Variants in PTPRF observed in about 807,000 individuals in gnomAD.
PTPRF encodes receptor-type tyrosine-protein phosphatase F.
Under a neutral mutation model 201.8 loss-of-function variants are expected in PTPRF, and 59 were observed. The observed-to-expected ratio is 0.29, with a 90% CI of 0.24 to 0.36. The LOEUF (loss-of-function observed/expected upper bound fraction) is 0.36, where lower values mean the gene tolerates loss of function less well. Among genes scored for constraint, PTPRF ranks in the 10% least tolerant of loss-of-function variants. PTPRF has a pLI of 1.00. For synonymous variants in PTPRF, 1,088 were observed against 1,089.7 expected (o/e 1.00, Z 0.03); for missense variants, 2,132 against 2,690.5 (o/e 0.79, Z 4.59).
intron 5 of PTPRF, among the ~76,000 whole-genome samples, chr1:43,558,625 G>C (rs935769150): frequency 6.6e-6 from 1 of 152,198 alleles, no homozygotes; most frequent in African/African-American, 2.4e-5. Context: ...CTCCCTCGCC[G>C]GGTAATGGCA....
rs761957697 is a variant in PTPRF at position 43,621,291 on chromosome 1, G to A, written c.5655+59G>A. On this transcript the variant is annotated intron_variant, in intron 33 of 33. Coordinates refer to ENST00000359947, the MANE Select transcript of PTPRF (RefSeq NM_002840.5). ...GGCAGCAGCGCTGCTGGGAACCCTA[G>A]GCTTTAGCAACAGTTTGATGCCCAC... is the stretch of plus-strand genomic sequence containing the variant. 62 of 1,588,608 alleles carry A rather than the reference G, an allele frequency of 3.9e-5. 1 individual carries two copies. Among genetic ancestry groups the A allele is most frequent in the Non-Finnish European group, 4.2e-5 (49 of 1,164,846 alleles).
In PTPRF at chr1:43,620,230, A is replaced by G. The variant is rs1205235677; in HGVS notation, c.5238+9A>G. On this transcript the variant is annotated intron_variant, in intron 30 of 33. Coordinates refer to ENST00000359947, the MANE Select transcript of PTPRF (RefSeq NM_002840.5). ...TTCGGGAGATGGGCAGGGTGAGCCC[A>G]CCCTTTCCCCCAGGGCCCCTGTCAT... 3.1e-6 allele frequency: 5 copies of G among 1,613,332 alleles called. No homozygotes were observed. Among genetic ancestry groups the G allele is most frequent in the Non-Finnish European group, 4.2e-6 (5 of 1,179,624 alleles).
intron 8 of PTPRF, among the ~76,000 whole-genome samples, chr1:43,589,869 A>G (rs1025463562): frequency 7.0e-6 from 1 of 142,078 alleles, no homozygotes; most frequent in Non-Finnish European, 1.5e-5. Flanking sequence ...GACCCTATGA[A>G]AAAAAAAAAA....
intron 7 of PTPRF, among the ~76,000 whole-genome samples, chr1:43,585,988 G>C (rs572564620): frequency 8.8e-4 from 134 of 152,186 alleles, no homozygotes; most frequent in Non-Finnish European, 1.7e-3. Flanking sequence ...TGCTAATTCT[G>C]ATGCTTCTCC....
chr1:43,562,575 T>C lies in PTPRF; in HGVS notation c.380-7015T>C, dbSNP rs540019881. On this transcript the variant is annotated intron_variant, in intron 5 of 33. Coordinates refer to ENST00000359947, the MANE Select transcript of PTPRF (RefSeq NM_002840.5). Reference sequence around the variant, plus strand: ...GCATGGACCACCACGCCCGGCTAATTTTTTGTATTTTTAGTAGAGATGGGG... The same window carrying C: ...GCATGGACCACCACGCCCGGCTAATCTTTTGTATTTTTAGTAGAGATGGGG... Among the ~76,000 whole-genome samples, 72 of 151,832 alleles carry C rather than the reference T, an allele frequency of 4.7e-4. No homozygotes were observed. The South Asian group carries it at 0.015, about 32-fold the overall frequency.
rs975045886 is a variant in PTPRF at position 43,546,608 on chromosome 1, A to G, written c.91+1442A>G. Among the ~76,000 whole-genome samples, 1 of 151,906 alleles carries G rather than the reference A, an allele frequency of 6.6e-6. No individual in the cohort carries two copies. Among genetic ancestry groups the G allele is most frequent in the Non-Finnish European group, 1.5e-5 (1 of 67,958 alleles). On this transcript the variant is annotated intron_variant, in intron 3 of 33. Transcript: ENST00000359947. The surrounding 1 kb of genome is among the most constrained non-coding windows in gnomAD (Gnocchi z 4.2). ...CCAGGCACTTTCAGGGCCTTCAGAC[A>G]GGAGCTCTAGGGCAGGGGAAGGATG...
intron 1 of PTPRF, among the ~76,000 whole-genome samples, chr1:43,532,897 A>G (rs1279285386): frequency 6.6e-6 from 1 of 151,692 alleles, no homozygotes; most frequent in East Asian, 1.9e-4. Context: ...CACACTCCCT[A>G]TTCAGCTGCT....
chr1:43,580,883 A>G (rs567954567), intron 7 of PTPRF, among the ~76,000 whole-genome samples: 1 of 152,388 alleles, frequency 6.6e-6, no homozygotes, highest in East Asian at 1.9e-4. Flanking sequence ...GCCAGCTGCA[A>G]GGGCGTGGCC....
At chr1:43,578,750 C>CG in intron 6 of PTPRF, 60 bp from the exon 7 acceptor site, 4 of 1,294,952 alleles carry the variant, frequency 3.1e-6, no homozygotes, top group Non-Finnish European at 3.3e-6. Context: ...GACCTCTCAC[C>CG]GTGTTCCAGG....
In PTPRF at chr1:43,620,999, C is replaced by T. The variant is rs1247923843; in HGVS notation, c.5519+7C>T. ...CTATCACGGTGCACTGCAGGTGGGA[C>T]TGGCCCCCTGGAGGGCTGGGGTGGG... is the stretch of plus-strand genomic sequence containing the variant. On this transcript the variant is annotated splice_region_variant and intron_variant, in intron 32 of 33. Coordinates refer to ENST00000359947, the MANE Select transcript of PTPRF (RefSeq NM_002840.5). 2 of 1,611,798 alleles carry T rather than the reference C, an allele frequency of 1.2e-6. No homozygotes were observed. The highest frequency in any genetic ancestry group is 2.7e-5 in the African/African-American group (2 of 74,926).
At chr1:43,609,349 C>T in intron 21 of PTPRF, 34 bp from the exon 22 acceptor site, 2 of 1,580,288 alleles carry the variant, frequency 1.3e-6, no homozygotes, top group Non-Finnish European at 1.7e-6. Flanking sequence ...GCCTGGACCT[C>T]AGGTTCTCAC....
chr1:43,607,186 G>C (rs1037507123), intron 21 of PTPRF, among the ~76,000 whole-genome samples: 1 of 152,240 alleles, frequency 6.6e-6, no homozygotes, highest in Non-Finnish European at 1.5e-5. Context: ...CAGCCTGGGC[G>C]TGAGGAACTA....
intron 12 of PTPRF, chr1:43,598,448 C>T (rs1370518133): frequency 2.0e-6 from 1 of 509,350 alleles, no homozygotes; most frequent in Non-Finnish European, 3.5e-6. Flanking sequence ...AGACCTGGTG[C>T]CCCACCTCCA....
chr1:43,590,830 T>A (rs1305507738), intron 8 of PTPRF, 142 bp from the exon 9 acceptor site: 6 of 825,090 alleles, frequency 7.3e-6, no homozygotes, highest in Non-Finnish European at 1.1e-5. Context: ...CATAAGCTTT[T>A]CCAGCCATTT....
chr1:43,605,124 G>GTGCC (rs750939733), intron 17 of PTPRF, 66 bp from the exon 18 acceptor site: 27 of 1,575,368 alleles, frequency 1.7e-5, no homozygotes, highest in Non-Finnish European at 2.2e-5. Flanking sequence ...TCCGTGCACT[G>GTGCC]TGCCTTGCAG....
At position 43,583,031 on chromosome 1, in the gene PTPRF, C is replaced by A. The variant is rs1268969934; in HGVS notation, c.679+4111C>A. 3.1e-6 allele frequency: 3 copies of A among 974,730 alleles called. No individual in the cohort carries two copies. The African/African-American group carries it at 5.3e-5, about 17-fold the overall frequency. The allele number at this position is 974,730 out of a possible 1,614,324, so 60.4% of individuals were successfully genotyped here. A position where few individuals can be genotyped will look rare whatever the true frequency, so the allele number is the denominator to read the frequency against. On this transcript the variant is annotated intron_variant, in intron 7 of 33. Coordinates refer to ENST00000359947, the MANE Select transcript of PTPRF (RefSeq NM_002840.5). ...GTTTCTCCTTGTCTTTTTTTTATTC[C>A]CTCCTCATCTTCATCGCACTCTGCC... is the stretch of plus-strand genomic sequence containing the variant.
chr1:43,601,711 G>A (rs1653790465), intron 13 of PTPRF, among the ~76,000 whole-genome samples: 2 of 152,192 alleles, frequency 1.3e-5, no homozygotes, highest in Admixed American at 1.3e-4. Flanking sequence ...GGCCTGAGCT[G>A]TTGAACCCAC....
At chr1:43,602,186 G>C in intron 14 of PTPRF, 89 bp downstream of exon 14, 2 of 1,487,634 alleles carry the variant, frequency 1.3e-6, no homozygotes, top group Non-Finnish European at 1.9e-6. Context: ...CTGCTAGCCT[G>C]CACTGCCAAG....
Position 43,618,507 on chromosome 1 carries a change from C to T in PTPRF, c.4372-123C>T, listed in dbSNP as rs912680874. Reference sequence around the variant, plus strand: ...GGACAGGGGGCAATGGATCTGAGAGCTCAGGGCTGGGGGGCTTTGTAGCCA... The same window carrying T: ...GGACAGGGGGCAATGGATCTGAGAGTTCAGGGCTGGGGGGCTTTGTAGCCA... On this transcript the variant is annotated intron_variant, in intron 25 of 33. Coordinates refer to ENST00000359947, the MANE Select transcript of PTPRF (RefSeq NM_002840.5). 1.1e-5 allele frequency: 14 copies of T among 1,270,166 alleles called. No individual in the cohort carries two copies. The Admixed American group carries it at 3.0e-4, about 27-fold the overall frequency. The allele number at this position is 1,270,166 out of a possible 1,614,324, so 78.7% of individuals were successfully genotyped here. A position where few individuals can be genotyped will look rare whatever the true frequency, so the allele number is the denominator to read the frequency against.
Sources: gnomAD v4.1 joint callset for allele counts (sites outside exome capture counted in the v4.1 genomes callset) on GRCh38, gnomAD v4.1.1 for gene constraint, Gnocchi (gnomAD v3.1) non-coding constraint, MANE v1.5 for transcripts, NCBI Gene and HGNC (gene_info 2026-07-23, HGNC 2026-07-21) for gene names.